The following GPC6 variants were observed in gnomAD, a reference collection of about 807,000 sequenced individuals.
GPC6 encodes the protein glypican-6.
In GPC6, 14 loss-of-function variants were observed where a neutral mutation model predicts 55.2. The observed-to-expected ratio is 0.25, with a 90% CI of 0.17 to 0.40. The LOEUF (loss-of-function observed/expected upper bound fraction) is 0.40. GPC6 is among the 10% of genes least tolerant of loss of function. The probability of loss-of-function intolerance (pLI) is 1.00; values close to 1 mark genes in which losing one functional copy is unlikely to be tolerated. For synonymous variants in GPC6, 278 were observed against 259.6 expected (o/e 1.07, Z -0.68); for missense variants, 641 against 708.5 (o/e 0.90, Z 1.08).
intron 3 of GPC6, among the ~76,000 whole-genome samples, chr13:93,895,246 A>G (rs879622286): frequency 0.083 from 4,630 of 55,708 alleles, 454 homozygotes; most frequent in East Asian, 0.27. Context: ...ATATATATAT[A>G]TATATATATA....
chr13:93,705,188 A>G (rs7996634), intron 2 of GPC6, among the ~76,000 whole-genome samples: 6,121 of 151,992 alleles, frequency 0.04, 418 homozygotes, highest in African/African-American at 0.14. Context: ...AGTGTATTCT[A>G]TATCATGTTG....
intron 4 of GPC6, among the ~76,000 whole-genome samples, chr13:94,076,960 GTTTTTTT>G (rs56870429): frequency 0.01 from 1,318 of 126,106 alleles, 24 homozygotes; most frequent in African/African-American, 0.035. Context: ...TGGTGCTTCT[GTTTTTTT>G]TTTTTTTTTT....
At chr13:93,446,532 C>G (rs779051150) in intron 1 of GPC6, among the ~76,000 whole-genome samples, 2 of 152,152 alleles carry the variant, frequency 1.3e-5, no homozygotes, top group Non-Finnish European at 2.9e-5. Context: ...ACAAACCACT[C>G]TTTGTACACA....
In GPC6 at chr13:93,715,155, C is replaced by G. The variant is rs183726196; in HGVS notation, c.320-114999C>G. ...TCTCAGTACTACCAAAAAGACACAT[C>G]CACTCATATGTTCATCACAGCGCTA... On this transcript the variant is annotated intron_variant, in intron 2 of 8. Coordinates refer to ENST00000377047, the MANE Select transcript of GPC6 (RefSeq NM_005708.5). Among the ~76,000 whole-genome samples the G allele has an allele frequency of 4.5e-3, 681 of 151,674 alleles. 6 individuals carry two copies. Among genetic ancestry groups the G allele is most frequent in the African/African-American group, 0.015 (625 of 41,462 alleles).
At chr13:94,199,145 T>C (rs1169708376) in intron 4 of GPC6, among the ~76,000 whole-genome samples, 1 of 152,246 alleles carries the variant, frequency 6.6e-6, no homozygotes, top group Non-Finnish European at 1.5e-5. Context: ...TACCACATTA[T>C]GCACTTCATC....
intron 2 of GPC6, among the ~76,000 whole-genome samples, chr13:93,775,706 A>G (rs1384902130): frequency 2.6e-5 from 4 of 152,194 alleles, no homozygotes; most frequent in African/African-American, 9.6e-5. Context: ...ACATTCGGGC[A>G]GTCTGCAGCA....
intron 3 of GPC6, among the ~76,000 whole-genome samples, chr13:93,884,630 A>G (rs1875210365): frequency 6.6e-6 from 1 of 152,120 alleles, no homozygotes; most frequent in Non-Finnish European, 1.5e-5. Context: ...TCTTAGTAAC[A>G]TGCTCTCAAA....
chr13:93,291,096 T>C (rs1483680749), intron 1 of GPC6, among the ~76,000 whole-genome samples: 1 of 152,182 alleles, frequency 6.6e-6, no homozygotes, highest in Admixed American at 6.6e-5. Context: ...ATGGCTGATA[T>C]GAATGCTGAC....
chr13:93,319,284 T>C (rs929361233), intron 1 of GPC6, among the ~76,000 whole-genome samples: 4 of 152,048 alleles, frequency 2.6e-5, no homozygotes, highest in African/African-American at 9.7e-5. Context: ...CACTTGTAAA[T>C]ATGTATAAGA....
At chr13:93,960,670 GT>G (rs1346299667) in intron 3 of GPC6, among the ~76,000 whole-genome samples, 1 of 151,974 alleles carries the variant, frequency 6.6e-6, no homozygotes, top group East Asian at 1.9e-4. Context: ...TGGATCCCAA[GT>G]TTTTTTCCAT....
intron 3 of GPC6, among the ~76,000 whole-genome samples, chr13:94,022,630 T>A (rs1882740802): frequency 6.6e-6 from 1 of 152,066 alleles, no homozygotes; most frequent in Non-Finnish European, 1.5e-5. Context: ...GACTTTATAC[T>A]GGTTTTTATT....
At chr13:93,364,529 T>C (rs1475662378) in intron 1 of GPC6, among the ~76,000 whole-genome samples, 1 of 151,902 alleles carries the variant, frequency 6.6e-6, no homozygotes, top group Non-Finnish European at 1.5e-5. Context: ...TTTAGGAGCA[T>C]TTTTTTCCTT....
At chr13:94,287,326 A>T (rs1021521831) in intron 5 of GPC6, among the ~76,000 whole-genome samples, 1 of 152,250 alleles carries the variant, frequency 6.6e-6, no homozygotes, top group African/African-American at 2.4e-5. Flanking sequence ...AGTCATTTAC[A>T]CTAAAATATG....
intron 3 of GPC6, among the ~76,000 whole-genome samples, chr13:93,963,433 C>G (rs1232871819): frequency 6.6e-6 from 1 of 152,166 alleles, no homozygotes; most frequent in Non-Finnish European, 1.5e-5. Context: ...CAAACATCTT[C>G]CACATTTTCA....
At chr13:94,069,569 T>C (rs947154161) in intron 4 of GPC6, among the ~76,000 whole-genome samples, 4 of 152,208 alleles carry the variant, frequency 2.6e-5, no homozygotes, top group Admixed American at 6.5e-5. Flanking sequence ...ACTTTTGTAC[T>C]GTTTCCCTTT....
chr13:93,699,584 T>A (rs1329673650), intron 2 of GPC6, among the ~76,000 whole-genome samples: 1 of 152,150 alleles, frequency 6.6e-6, no homozygotes, highest in Non-Finnish European at 1.5e-5. Context: ...ATAGGGAATA[T>A]ACGTTGTTGA....
chr13:93,795,007 G>C (rs1886154811), intron 2 of GPC6, among the ~76,000 whole-genome samples: 2 of 152,262 alleles, frequency 1.3e-5, no homozygotes, highest in Admixed American at 1.3e-4. Context: ...CATATAGACT[G>C]TGAAAAATTC....
At chr13:94,314,205 T>G (rs1876404468) in intron 6 of GPC6, among the ~76,000 whole-genome samples, 1 of 152,200 alleles carries the variant, frequency 6.6e-6, no homozygotes, top group Non-Finnish European at 1.5e-5. Context: ...AATATTAATA[T>G]TAGCATACAA....
intron 1 of GPC6, among the ~76,000 whole-genome samples, chr13:93,368,710 A>G (rs958911760): frequency 1.3e-5 from 2 of 152,048 alleles, no homozygotes; most frequent in Non-Finnish European, 2.9e-5. Flanking sequence ...TTTCATTGTT[A>G]TACAGGAACA....
Sources: gnomAD v4.1 joint callset for allele counts (sites outside exome capture counted in the v4.1 genomes callset) on GRCh38, gnomAD v4.1.1 for gene constraint, MANE v1.5 for transcripts, NCBI Gene and HGNC (gene_info 2026-07-23, HGNC 2026-07-21) for gene names.